CDYL2: variants seen among roughly 807,000 people sequenced by gnomAD.
CDYL2 encodes chromodomain Y-like protein 2.
A neutral mutation model predicts 49.4 loss-of-function variants in CDYL2; 23 were observed. That is an observed-to-expected ratio of 0.47 (90% CI 0.34 to 0.66). CDYL2 has a LOEUF of 0.66. CDYL2 is among the 30% of genes least tolerant of loss of function. The pLI is 0.01. For synonymous variants in CDYL2, 360 were observed against 268.8 expected (o/e 1.34, Z -3.32); for missense variants, 678 against 656.4 (o/e 1.03, Z -0.36).
At chr16:80,776,656 T>C (rs1358081473) in intron 1 of CDYL2, among the ~76,000 whole-genome samples, 1 of 150,996 alleles carries the variant, frequency 6.6e-6, no homozygotes, top group African/African-American at 2.4e-5. Context: ...CATTTGTATA[T>C]TCTTATAATG....
At chr16:80,705,628 C>A (rs1214903212) in intron 1 of CDYL2, among the ~76,000 whole-genome samples, 1 of 152,226 alleles carries the variant, frequency 6.6e-6, no homozygotes, top group Non-Finnish European at 1.5e-5. Flanking sequence ...GTAGAACTGG[C>A]ATTATTATAA....
chr16:80,685,225 G>A (rs1910142782), intron 1 of CDYL2, 96 bp from the exon 2 acceptor site: 2 of 958,722 alleles, frequency 2.1e-6, no homozygotes, highest in South Asian at 1.6e-5. Flanking sequence ...TTGGGATAGA[G>A]GCATCTACCC....
intron 2 of CDYL2, among the ~76,000 whole-genome samples, chr16:80,644,075 C>G (rs546231393): frequency 1.0e-3 from 157 of 152,330 alleles, no homozygotes; most frequent in African/African-American, 3.5e-3. Context: ...TAACAGCACC[C>G]AAGTCACCTC....
At chr16:80,784,658 T>C (rs1907376430) in intron 1 of CDYL2, among the ~76,000 whole-genome samples, 1 of 152,210 alleles carries the variant, frequency 6.6e-6, no homozygotes, top group African/African-American at 2.4e-5. Context: ...TCTGGAATAC[T>C]TGAAAGACCT....
At chr16:80,656,250 G>A (rs1203372538) in intron 2 of CDYL2, among the ~76,000 whole-genome samples, 1 of 152,206 alleles carries the variant, frequency 6.6e-6, no homozygotes, top group Admixed American at 6.5e-5. Context: ...ATTCAAAAAG[G>A]AGGAACTAAT....
chr16:80,724,621 T>A (rs987419477), intron 1 of CDYL2, among the ~76,000 whole-genome samples: 1 of 152,228 alleles, frequency 6.6e-6, no homozygotes, highest in South Asian at 2.1e-4. Context: ...GCCTGTAATA[T>A]TGTTTTATGA....
intron 2 of CDYL2, among the ~76,000 whole-genome samples, chr16:80,638,927 CT>C (rs79816890): frequency 0.037 from 5,566 of 152,130 alleles, 238 homozygotes; most frequent in Middle Eastern, 0.16. Flanking sequence ...TTTGCAATGA[CT>C]TTTTACATAA....
At chr16:80,763,206 G>C (rs1052077784) in intron 1 of CDYL2, among the ~76,000 whole-genome samples, 1 of 6,666 alleles carries the variant, frequency 1.5e-4, no homozygotes, top group African/African-American at 7.2e-4. Context: ...TCCGGTGTTC[G>C]AGGGCAACTT....
chr16:80,707,487 A>C (rs1024183281), intron 1 of CDYL2, among the ~76,000 whole-genome samples: 12 of 152,080 alleles, frequency 7.9e-5, no homozygotes, highest in African/African-American at 2.9e-4. Context: ...GAAAGTATAA[A>C]TGTGAAAAAC....
In CDYL2 at chr16:80,741,185, TAA is replaced by T. The variant is rs561695992; in HGVS notation, c.25-56058_25-56057del. 4.3e-3 allele frequency among the ~76,000 whole-genome samples: 651 copies of T among 150,398 alleles called. 5 individuals carry two copies. The highest frequency in any genetic ancestry group is 0.015 in the African/African-American group (627 of 41,358). ...TAATATATATATAACATGTACTATA[TAA>T]GATGTGTGTATAAGAATTTTATATA... On this transcript the variant is annotated intron_variant, in intron 1 of 6. Transcript: ENST00000570137.
chr16:80,714,660 C>T (rs549243044), intron 1 of CDYL2, among the ~76,000 whole-genome samples: 1 of 152,188 alleles, frequency 6.6e-6, no homozygotes, highest in Non-Finnish European at 1.5e-5. Flanking sequence ...ACTTTCTCTG[C>T]TCCTACCCCA....
At chr16:80,802,548 A>C (rs1907958046) in intron 1 of CDYL2, among the ~76,000 whole-genome samples, 7 of 152,212 alleles carry the variant, frequency 4.6e-5, no homozygotes, top group Admixed American at 3.9e-4. Flanking sequence ...ATCTCTATCC[A>C]ACTTCACCTT....
intron 1 of CDYL2, among the ~76,000 whole-genome samples, chr16:80,686,423 C>G (rs1250168834): frequency 1.3e-5 from 2 of 152,154 alleles, no homozygotes; most frequent in African/African-American, 4.8e-5. Context: ...AAAGTTTATT[C>G]TACTTCAATA....
chr16:80,704,727 G>A (rs1249700189), intron 1 of CDYL2, among the ~76,000 whole-genome samples: 3 of 152,232 alleles, frequency 2.0e-5, no homozygotes, highest in Non-Finnish European at 2.9e-5. Context: ...AAGAGAATGT[G>A]CAAATGCTCT....
At chr16:80,788,638 T>C (rs923542978) in intron 1 of CDYL2, among the ~76,000 whole-genome samples, 3 of 152,202 alleles carry the variant, frequency 2.0e-5, no homozygotes, top group African/African-American at 7.2e-5. Flanking sequence ...CATTTTATAA[T>C]TTATCAAGAG....
intron 1 of CDYL2, among the ~76,000 whole-genome samples, chr16:80,760,862 G>A (rs1354244242): frequency 6.6e-6 from 1 of 151,522 alleles, no homozygotes; most frequent in Non-Finnish European, 1.5e-5. Context: ...GAAACTGAAG[G>A]TTGCACTCAC....
At chr16:80,645,526 C>T (rs1344755169) in intron 2 of CDYL2, among the ~76,000 whole-genome samples, 1 of 152,172 alleles carries the variant, frequency 6.6e-6, no homozygotes, top group Non-Finnish European at 1.5e-5. Context: ...AACACTTTTA[C>T]ACTGTTGGTG....
chr16:80,657,513 A>C (rs528704180), intron 2 of CDYL2, among the ~76,000 whole-genome samples: 1 of 152,314 alleles, frequency 6.6e-6, no homozygotes, highest in Admixed American at 6.5e-5. Context: ...AATGGCCCTT[A>C]AATAGAAGAA....
chr16:80,651,106 G>A (rs1368112612), intron 2 of CDYL2, among the ~76,000 whole-genome samples: 3 of 152,196 alleles, frequency 2.0e-5, no homozygotes, highest in Non-Finnish European at 4.4e-5. Context: ...CTAAAAGAGT[G>A]TAACTGGATT....
Sources: gnomAD v4.1 joint callset for allele counts (sites outside exome capture counted in the v4.1 genomes callset) on GRCh38, gnomAD v4.1.1 for gene constraint, MANE v1.5 for transcripts, NCBI Gene and HGNC (gene_info 2026-07-23, HGNC 2026-07-21) for gene names.